Variants in MIGA1 observed in about 807,000 individuals in gnomAD.
The protein encoded by MIGA1 is family with sequence similarity 73, member A.
A neutral mutation model predicts 82.0 loss-of-function variants in MIGA1; 58 were observed. The observed-to-expected ratio is 0.71, with a 90% CI of 0.57 to 0.88. MIGA1 has a LOEUF of 0.88. MIGA1 is among the 40% of genes least tolerant of loss of function. The probability of loss-of-function intolerance (pLI) is 0.00; values close to 1 mark genes in which losing one functional copy is unlikely to be tolerated. For synonymous variants in MIGA1, 249 were observed against 253.6 expected (o/e 0.98, Z 0.17); for missense variants, 751 against 749.1 (o/e 1.00, Z -0.03).
At chr1:77,864,862 T>C (rs184439129) in intron 13 of MIGA1, among the ~76,000 whole-genome samples, 65 of 152,326 alleles carry the variant, frequency 4.3e-4, no homozygotes, top group Admixed American at 9.8e-4. Context: ...CATTGGTTTT[T>C]GTTGGGCTTT....
At chr1:77,867,586 C>G (rs1398410526) in intron 14 of MIGA1, among the ~76,000 whole-genome samples, 1 of 152,176 alleles carries the variant, frequency 6.6e-6, no homozygotes, top group Non-Finnish European at 1.5e-5. Context: ...TCTCGGCCTC[C>G]CAAAGTGTTG....
intron 11 of MIGA1, 109 bp from the exon 12 acceptor site, chr1:77,861,115 G>A: frequency 2.9e-6 from 2 of 681,068 alleles, no homozygotes; most frequent in Non-Finnish European, 4.9e-6. Context: ...ATGTATTTTA[G>A]TTCAGTTACC....
rs1395046431 is a variant in MIGA1 at position 77,877,786 on chromosome 1, G to A, written c.*2722G>A. On this transcript the variant is annotated 3_prime_UTR_variant, in exon 16 of 16. Transcript: ENST00000370791. Reference sequence around the variant, plus strand: ...CTGGGGAATTAATTTTATGAGATAAGATGAATGGCTTTCTAGAAGGTGTTG... The same window carrying A: ...CTGGGGAATTAATTTTATGAGATAAAATGAATGGCTTTCTAGAAGGTGTTG... 6.6e-6 allele frequency: 1 copy of A among 152,630 alleles called. No individual in the cohort carries two copies. Among genetic ancestry groups the A allele is most frequent in the African/African-American group, 2.4e-5 (1 of 41,446 alleles). The allele number at this position is 152,630 out of a possible 1,614,324, so 9.5% of individuals were successfully genotyped here. A position where few individuals can be genotyped will look rare whatever the true frequency, so the allele number is the denominator to read the frequency against.
intron 2 of MIGA1, among the ~76,000 whole-genome samples, chr1:77,789,424 G>A (rs1682317293): frequency 6.6e-6 from 1 of 151,790 alleles, no homozygotes; most frequent in Non-Finnish European, 1.5e-5. Flanking sequence ...TGCCCAGGCT[G>A]GTCTCAAACT....
chr1:77,864,269 C>T (rs1685579628), intron 13 of MIGA1, among the ~76,000 whole-genome samples: 2 of 151,648 alleles, frequency 1.3e-5, no homozygotes, highest in African/African-American at 4.9e-5. Context: ...ACTCGGGAGG[C>T]TGAGGCAGGA....
At chr1:77,813,343 T>G (rs184890507) in intron 5 of MIGA1, among the ~76,000 whole-genome samples, 73 of 152,314 alleles carry the variant, frequency 4.8e-4, no homozygotes, top group Non-Finnish European at 8.4e-4. Context: ...TGTAAACTGG[T>G]TTCTTCTATC....
Position 77,799,501 on chromosome 1 carries a change from T to A in MIGA1, c.196-1830T>A, listed in dbSNP as rs192045661. Among the ~76,000 whole-genome samples, 5 of 152,320 alleles carry A rather than the reference T, an allele frequency of 3.3e-5. No homozygotes were observed. The East Asian group carries it at 9.6e-4, about 29-fold the overall frequency. ...TAACCCCATTATAAGTCAAACAGCA[T>A]CTGGACTAGATTGATAACATGATTA... On this transcript the variant is annotated intron_variant, in intron 2 of 15. Coordinates refer to ENST00000370791, the MANE Select transcript of MIGA1 (RefSeq NM_198549.4).
chr1:77,875,674 G>T lies in MIGA1; in HGVS notation c.*610G>T. The T allele has an allele frequency of 6.6e-6, 1 of 152,548 alleles. No homozygotes were observed. The allele number at this position is 152,548 out of a possible 1,614,324, so 9.4% of individuals were successfully genotyped here. ...ACATTTAAATGGGCCACTTGCAGTG[G>T]CTCATGCCTGTAATACATTGGGAGG... On this transcript the variant is annotated 3_prime_UTR_variant, in exon 16 of 16. Coordinates refer to ENST00000370791, the MANE Select transcript of MIGA1 (RefSeq NM_198549.4).
rs777919152 is a variant in MIGA1, at chr1:77,813,872, G to A, written c.771+5G>A. 3.1e-6 allele frequency: 5 copies of A among 1,612,890 alleles called. No individual in the cohort carries two copies. In the East Asian group the frequency reaches 1.1e-4, roughly 36 times the overall value. The stretch of plus-strand genomic sequence containing the variant: ...ATTGCTGAAGAAAATGTAGATGTAA[G>A]GGTGATTGATTTGAGTGGTCTTCAT... On this transcript the variant is annotated splice_donor_5th_base_variant and intron_variant, in intron 6 of 15. Transcript: ENST00000370791.
intron 5 of MIGA1, chr1:77,811,383 T>G: frequency 6.2e-7 from 1 of 1,605,692 alleles, no homozygotes; most frequent in Non-Finnish European, 8.5e-7. Flanking sequence ...CTTCTTCATC[T>G]TCTTCAAATT....
intron 8 of MIGA1, 38 bp downstream of exon 8, chr1:77,843,445 T>G: frequency 6.7e-7 from 1 of 1,491,258 alleles, no homozygotes; most frequent in Non-Finnish European, 9.3e-7. Context: ...TTTCTGTTTC[T>G]TTTTTGGTGG....
intron 11 of MIGA1, 84 bp from the exon 12 acceptor site, chr1:77,861,140 T>G (rs1311280639): frequency 2.4e-6 from 2 of 838,344 alleles, no homozygotes; most frequent in South Asian, 1.6e-5. Context: ...AGAATTAAGA[T>G]CTACCAGACT....
intron 2 of MIGA1, among the ~76,000 whole-genome samples, chr1:77,791,800 G>A (rs911766066): frequency 1.3e-5 from 2 of 152,044 alleles, no homozygotes; most frequent in Non-Finnish European, 1.5e-5. Context: ...CTGACCTCAA[G>A]TGATCTACCT....
rs149790967 is a variant in MIGA1, at chr1:77,873,023, C to T, written c.1583C>T (p.Ala528Val). 91 of 1,613,628 alleles carry T rather than the reference C, an allele frequency of 5.6e-5. No homozygotes were observed. The highest frequency in any genetic ancestry group is 7.6e-5 in the Non-Finnish European group (90 of 1,179,936). The stretch of plus-strand genomic sequence containing the variant: ...CAGCAGATCCCAGATGGATTTTTTG[C>T]CCATTTTTATGCCATTTGTGAACAC... The change falls in exon 15 of 16, where the codon GCC becomes GTC. Residue 528 changes from alanine to valine, a missense_variant. Physicochemically the swap from Ala to Val is moderately conservative, Grantham distance 64. Around this residue, in one of 3 missense-constraint regions of MIGA1, gnomAD observed 265 missense variants for 293.6 expected, o/e 0.90. Coordinates refer to ENST00000370791, the MANE Select transcript of MIGA1 (RefSeq NM_198549.4).
At chr1:77,861,045 C>T in intron 11 of MIGA1, 179 bp from the exon 12 acceptor site, 2 of 497,918 alleles carry the variant, frequency 4.0e-6, no homozygotes, top group Non-Finnish European at 7.1e-6. Flanking sequence ...TTTATCTTGG[C>T]TTCTGCAAAA....
chr1:77,844,698 C>T (rs111851592), intron 8 of MIGA1, among the ~76,000 whole-genome samples: 3 of 152,214 alleles, frequency 2.0e-5, no homozygotes, highest in African/African-American at 7.2e-5. Context: ...ATGCATCTGG[C>T]CAGGCACAGT....
intron 3 of MIGA1, among the ~76,000 whole-genome samples, chr1:77,801,889 G>T (rs1462283748): frequency 6.6e-6 from 1 of 152,022 alleles, no homozygotes; most frequent in East Asian, 1.9e-4. Flanking sequence ...GTCTTTCCAG[G>T]TCAATAAATA....
chr1:77,793,519 G>T (rs1190039851), intron 2 of MIGA1, among the ~76,000 whole-genome samples: 3 of 152,030 alleles, frequency 2.0e-5, no homozygotes, highest in Non-Finnish European at 4.4e-5. Flanking sequence ...GAATGCAGTG[G>T]CACAATCTTG....
At chr1:77,792,360 C>T (rs1045337396) in intron 2 of MIGA1, among the ~76,000 whole-genome samples, 9 of 152,072 alleles carry the variant, frequency 5.9e-5, no homozygotes, top group East Asian at 3.9e-4. Flanking sequence ...TTCATTCCAC[C>T]GCTGGGTCTT....
Sources: gnomAD v4.1 joint callset for allele counts (sites outside exome capture counted in the v4.1 genomes callset) on GRCh38, gnomAD v4.1.1 for gene constraint, gnomAD v4.1.1 regional missense constraint, MANE v1.5 for transcripts, NCBI Gene and HGNC (gene_info 2026-07-23, HGNC 2026-07-21) for gene names.